The following FAT3 variants were observed in gnomAD, a reference collection of about 807,000 sequenced individuals.
FAT3 encodes the protein protocadherin Fat 3.
FAT3 carries 95 observed loss-of-function variants against 310.2 expected under a neutral mutation model. The ratio of observed to expected loss-of-function variants is 0.31; its 90% CI spans 0.26 to 0.36. FAT3 has a LOEUF of 0.36. FAT3 is among the 10% of genes least tolerant of loss of function. The pLI is 1.00. For synonymous variants in FAT3, 2,314 were observed against 2,192.9 expected, an observed-to-expected ratio of 1.06 and a Z score of -1.54; for missense variants, 5,408 against 5,715.6, an observed-to-expected ratio of 0.95 and a Z score of 1.74.
chr11:92,268,221 G>A (rs577949210), intron 1 of FAT3, among the ~76,000 whole-genome samples: 1 of 152,204 alleles, frequency 6.6e-6, no homozygotes, highest in East Asian at 1.9e-4. Context: ...TACTCAGAGA[G>A]GTTGAGGACC....
intron 22 of FAT3, among the ~76,000 whole-genome samples, chr11:92,868,357 G>A (rs1342078442): frequency 6.6e-6 from 1 of 152,182 alleles, no homozygotes; most frequent in African/African-American, 2.4e-5. Flanking sequence ...ACCCTGGGGG[G>A]AAATTTCTGT....
At chr11:92,622,016 C>T (rs1291496799) in intron 3 of FAT3, among the ~76,000 whole-genome samples, 1 of 152,112 alleles carries the variant, frequency 6.6e-6, no homozygotes, top group Admixed American at 6.6e-5. Flanking sequence ...GTAGGTAGTC[C>T]ATTGTAGATG....
rs952038963 is a variant in FAT3, at chr11:92,889,783, T to C, written c.13112-73T>C. ...TAGGAGTATGTTTTTAAAAGTCATC[T>C]CAAATGTTCTGTTTTATCCCTCTTC... On this transcript the variant is annotated intron_variant, in intron 26 of 27. Coordinates refer to ENST00000525166, the MANE Select transcript of FAT3 (RefSeq NM_001367949.2). The C allele has an allele frequency of 3.9e-4, 281 of 713,432 alleles. 1 individual carries two copies. The East Asian group carries it at 7.5e-3, about 19-fold the overall frequency. 44.2% of individuals were successfully genotyped at this position (713,432 alleles called of 1,614,324 possible).
chr11:92,882,299 T>C (rs1182803323), intron 23 of FAT3, among the ~76,000 whole-genome samples: 2 of 152,154 alleles, frequency 1.3e-5, no homozygotes, highest in African/African-American at 2.4e-5. Flanking sequence ...GGGAGGAGTA[T>C]TTTACATAAT....
chr11:92,606,563 C>T (rs1378932212), intron 3 of FAT3, among the ~76,000 whole-genome samples: 1 of 152,184 alleles, frequency 6.6e-6, no homozygotes, highest in African/African-American at 2.4e-5. Context: ...ATGGTAATAG[C>T]AATGATAAAA....
chr11:92,399,731 G>A (rs545418977), intron 2 of FAT3, among the ~76,000 whole-genome samples: 5 of 152,198 alleles, frequency 3.3e-5, no homozygotes, highest in Admixed American at 6.6e-5. Flanking sequence ...AGCCCCTTAA[G>A]TGGCAGTGGA....
chr11:92,867,419 T>G (rs1165202945), intron 22 of FAT3, among the ~76,000 whole-genome samples: 1 of 152,174 alleles, frequency 6.6e-6, no homozygotes, highest in Non-Finnish European at 1.5e-5. Context: ...GTTTGCAGCT[T>G]CCCATAGGTG....
At chr11:92,301,258 G>A (rs1405813846) in intron 1 of FAT3, among the ~76,000 whole-genome samples, 1 of 152,140 alleles carries the variant, frequency 6.6e-6, no homozygotes, top group African/African-American at 2.4e-5. Flanking sequence ...ATTTCCAAAT[G>A]TAGTAAGGAC....
chr11:92,299,848 T>C (rs1218438551), intron 1 of FAT3, among the ~76,000 whole-genome samples: 1 of 152,176 alleles, frequency 6.6e-6, no homozygotes, highest in East Asian at 1.9e-4. Flanking sequence ...AGTTCACTTT[T>C]GTCATCCTGA....
chr11:92,445,822 G>T (rs1389966889), intron 2 of FAT3, among the ~76,000 whole-genome samples: 2 of 152,062 alleles, frequency 1.3e-5, no homozygotes, highest in African/African-American at 4.8e-5. Context: ...TCAATGATGA[G>T]AGTGTTCAGG....
At chr11:92,819,488 A>C (rs1283592194) in intron 13 of FAT3, among the ~76,000 whole-genome samples, 1 of 152,234 alleles carries the variant, frequency 6.6e-6, no homozygotes, top group Non-Finnish European at 1.5e-5. Context: ...TGCTGTTCCC[A>C]GAACCACACT....
At chr11:92,485,162 C>A (rs542345666) in intron 2 of FAT3, among the ~76,000 whole-genome samples, 39 of 152,154 alleles carry the variant, frequency 2.6e-4, no homozygotes, top group Non-Finnish European at 4.9e-4. Context: ...CCGTGGTAGA[C>A]AATAATGTAA....
At chr11:92,537,573 G>A (rs1954301811) in intron 3 of FAT3, among the ~76,000 whole-genome samples, 1 of 152,044 alleles carries the variant, frequency 6.6e-6, no homozygotes, top group African/African-American at 2.4e-5. Flanking sequence ...GGGATTCAGA[G>A]ATAATTTCTG....
chr11:92,516,378 C>T (rs188775913), intron 2 of FAT3, among the ~76,000 whole-genome samples: 25 of 152,026 alleles, frequency 1.6e-4, no homozygotes, highest in East Asian at 9.7e-4. Flanking sequence ...ACAGAACCTA[C>T]GACAAAAACC....
At chr11:92,622,276 C>T (rs1461678729) in intron 3 of FAT3, among the ~76,000 whole-genome samples, 2 of 121,810 alleles carry the variant, frequency 1.6e-5, no homozygotes, top group Non-Finnish European at 3.8e-5. Context: ...AGCAAGACTC[C>T]ATCTCAAAAA....
At chr11:92,786,278 C>A (rs984226890) in intron 7 of FAT3, among the ~76,000 whole-genome samples, 16 of 151,182 alleles carry the variant, frequency 1.1e-4, no homozygotes, top group African/African-American at 3.9e-4. Flanking sequence ...CATCCAGAAA[C>A]AATAAGGAAA....
intron 3 of FAT3, among the ~76,000 whole-genome samples, chr11:92,684,313 T>A (rs1466078382): frequency 1.3e-5 from 2 of 152,156 alleles, no homozygotes; most frequent in African/African-American, 4.8e-5. Context: ...CTGGGACCAT[T>A]GCTGAACTGC....
chr11:92,661,094 ATAAATGTATTTGGTAG>A (rs1666797958), intron 3 of FAT3, among the ~76,000 whole-genome samples: 1 of 152,204 alleles, frequency 6.6e-6, no homozygotes, highest in South Asian at 2.1e-4. Flanking sequence ...AGTAAGCAAA[ATAAATGTATTTGGTAG>A]TGTTGGAAAT....
chr11:92,357,811 G>A (rs1948774385), intron 2 of FAT3, among the ~76,000 whole-genome samples: 1 of 151,934 alleles, frequency 6.6e-6, no homozygotes, highest in African/African-American at 2.4e-5. Context: ...TACCTTGGGT[G>A]TTATTTAGAA....
Sources: allele counts gnomAD v4.1 joint callset (sites outside exome capture counted in the v4.1 genomes callset), GRCh38; gene constraint gnomAD v4.1.1; transcripts MANE v1.5; gene names NCBI Gene and HGNC (gene_info 2026-07-23, HGNC 2026-07-21).